Variants in PRPSAP2 observed in about 807,000 individuals in gnomAD.
PRPSAP2 encodes phosphoribosyl pyrophosphate synthetase associated protein 2.
A neutral mutation model predicts 40.6 loss-of-function variants in PRPSAP2; 24 were observed. That is an observed-to-expected ratio of 0.59 (90% CI 0.43 to 0.83). The LOEUF is 0.83. PRPSAP2 is among the 40% of genes least tolerant of loss of function. The probability of loss-of-function intolerance (pLI) is 0.00; values close to 1 mark genes in which losing one functional copy is unlikely to be tolerated. For missense variants in PRPSAP2, 292 were observed against 465.6 expected (o/e 0.63, Z 3.43); for synonymous variants, 149 against 164.7 (o/e 0.90, Z 0.73).
intron 4 of PRPSAP2, among the ~76,000 whole-genome samples, chr17:18,872,141 C>G (rs984186601): frequency 6.6e-6 from 1 of 151,972 alleles, no homozygotes; most frequent in African/African-American, 2.4e-5. Flanking sequence ...GATGTGGTGG[C>G]GGGCGCCTGT....
At chr17:18,857,355 G>T (rs1177310304), upstream of PRPSAP2, among the ~76,000 whole-genome samples, 1 of 150,448 alleles carries the variant, frequency 6.6e-6, no homozygotes, top group Non-Finnish European at 1.5e-5. Flanking sequence ...ACTAACAAAC[G>T]AACAAAAAAC....
chr17:18,897,602 C>T (rs1409018073), intron 8 of PRPSAP2, among the ~76,000 whole-genome samples: 2 of 151,842 alleles, frequency 1.3e-5, no homozygotes, highest in African/African-American at 2.4e-5. Context: ...GCTGGGATTA[C>T]AGGCTCCCAT....
chr17:18,902,217 AG>A (rs1346075829), intron 8 of PRPSAP2, among the ~76,000 whole-genome samples: 2 of 152,118 alleles, frequency 1.3e-5, no homozygotes, highest in African/African-American at 4.8e-5. Flanking sequence ...CTGTTCACAG[AG>A]GGATGGATGT....
intron 1 of PRPSAP2, among the ~76,000 whole-genome samples, chr17:18,863,665 T>C (rs961433149): frequency 7.9e-5 from 12 of 151,966 alleles, no homozygotes; most frequent in African/African-American, 2.9e-4. Context: ...CCCGATTAGC[T>C]GGGACTACAG....
chr17:18,896,448 G>T (rs1159657725), intron 8 of PRPSAP2, among the ~76,000 whole-genome samples: 4 of 152,094 alleles, frequency 2.6e-5, no homozygotes, highest in Non-Finnish European at 4.4e-5. Flanking sequence ...CTTCTTGGTT[G>T]CACAGAGCCT....
chr17:18,873,877 G>T (rs1567680324), intron 5 of PRPSAP2, among the ~76,000 whole-genome samples: 1 of 151,826 alleles, frequency 6.6e-6, no homozygotes, highest in Non-Finnish European at 1.5e-5. Context: ...AAGGGAGGGT[G>T]ATCACCTGGA....
rs572030612 is a variant in PRPSAP2 at position 18,912,863 on chromosome 17, A to G, written c.733+1612A>G. Among the ~76,000 whole-genome samples the G allele has an allele frequency of 3.3e-5, 5 of 152,322 alleles. No individual in the cohort carries two copies. The South Asian group carries it at 1.0e-3, about 32-fold the overall frequency. ...CAAAAGGGAGAAGTAGGAAGAAAGA[A>G]AGGAGTGACAGGTCCTGACCAAGTC... On this transcript the variant is annotated intron_variant, in intron 9 of 11. Coordinates refer to ENST00000268835, the MANE Select transcript of PRPSAP2 (RefSeq NM_002767.4).
intron 4 of PRPSAP2, among the ~76,000 whole-genome samples, chr17:18,869,784 C>G (rs2037707600): frequency 1.2e-5 from 1 of 82,870 alleles, no homozygotes; most frequent in Non-Finnish European, 2.3e-5. Context: ...TCTGTTTTTT[C>G]CAACATTTTT....
chr17:18,883,612 C>T (rs999999138), intron 7 of PRPSAP2, among the ~76,000 whole-genome samples: 3 of 151,928 alleles, frequency 2.0e-5, no homozygotes, highest in South Asian at 2.1e-4. Context: ...TGATCTCGAA[C>T]GCTGACCTCG....
intron 10 of PRPSAP2, among the ~76,000 whole-genome samples, chr17:18,926,441 AT>A (rs988789958): frequency 6.6e-6 from 1 of 150,760 alleles, no homozygotes; most frequent in African/African-American, 2.4e-5. Context: ...TAATTTTTGT[AT>A]TTTTTTTGTA....
chr17:18,902,945 G>A (rs1448439609), intron 8 of PRPSAP2, among the ~76,000 whole-genome samples: 3 of 151,334 alleles, frequency 2.0e-5, no homozygotes, highest in African/African-American at 7.3e-5. Flanking sequence ...ATATTTGAGT[G>A]CTGCTGTGCC....
At chr17:18,858,346 C>A (rs28374894) in intron 1 of PRPSAP2, 85 bp downstream of exon 1, 80,993 of 152,224 alleles carry the variant, frequency 0.53, 21,838 homozygotes, top group Middle Eastern at 0.6. Flanking sequence ...GGGCGGGGAG[C>A]CCGCGGCGCC....
At chr17:18,858,466 G>C (rs1036002546) in intron 1 of PRPSAP2, 1 of 152,562 alleles carries the variant, frequency 6.6e-6, no homozygotes, top group Non-Finnish European at 1.5e-5. Flanking sequence ...TCTCCCGCCA[G>C]GGGTCGGCGG....
At chr17:18,884,918 CAA>C (rs1457577319) in intron 7 of PRPSAP2, among the ~76,000 whole-genome samples, 2 of 152,192 alleles carry the variant, frequency 1.3e-5, no homozygotes, top group Non-Finnish European at 2.9e-5. Flanking sequence ...TCTCAAGGCA[CAA>C]ATGGCAATTG....
At chr17:18,885,600 T>A (rs1468009031) in intron 7 of PRPSAP2, among the ~76,000 whole-genome samples, 2 of 151,952 alleles carry the variant, frequency 1.3e-5, no homozygotes, top group Non-Finnish European at 2.9e-5. Context: ...TTTTTGTTTT[T>A]TTTTGAGATG....
chr17:18,898,987 C>T (rs1461184004), intron 8 of PRPSAP2, among the ~76,000 whole-genome samples: 1 of 152,046 alleles, frequency 6.6e-6, no homozygotes, highest in Admixed American at 6.6e-5. Context: ...CCGTTGCAAC[C>T]TCTGCCTCTT....
intron 11 of PRPSAP2, 117 bp from the exon 12 acceptor site, chr17:18,930,422 TC>T: frequency 1.2e-6 from 1 of 845,156 alleles, no homozygotes; most frequent in Non-Finnish European, 1.8e-6. Context: ...GAGACATAGA[TC>T]CACTGTGTTT....
chr17:18,926,931 C>T (rs2042012037), intron 10 of PRPSAP2, among the ~76,000 whole-genome samples: 2 of 152,100 alleles, frequency 1.3e-5, no homozygotes, highest in South Asian at 4.1e-4. Context: ...GACATCCTTC[C>T]CACCCAATCT....
intron 8 of PRPSAP2, among the ~76,000 whole-genome samples, chr17:18,893,663 G>A (rs905834851): frequency 6.6e-6 from 1 of 152,076 alleles, no homozygotes; most frequent in African/African-American, 2.4e-5. Flanking sequence ...GCTGAGGTGG[G>A]AGGATTGCTT....
Sources: allele counts gnomAD v4.1 joint callset (sites outside exome capture counted in the v4.1 genomes callset), GRCh38; gene constraint gnomAD v4.1.1; transcripts MANE v1.5; gene names NCBI Gene and HGNC (gene_info 2026-07-23, HGNC 2026-07-21).